Variants in RFC3 observed in about 807,000 individuals in gnomAD.
RFC3 encodes A1 38 kDa subunit.
In RFC3, 41 loss-of-function variants were observed where a neutral mutation model predicts 45.1. The observed-to-expected ratio is 0.91, with a 90% CI of 0.71 to 1.18. The LOEUF is 1.18. RFC3 is among the 50% of genes most tolerant of loss of function. The pLI is 0.00. For synonymous variants in RFC3, 149 were observed against 144.0 expected (o/e 1.03, Z -0.25); for missense variants, 423 against 428.1 (o/e 0.99, Z 0.10).
intron 8 of RFC3, among the ~76,000 whole-genome samples, chr13:33,924,221 C>T (rs892305225): frequency 1.3e-5 from 2 of 150,762 alleles, no homozygotes; most frequent in African/African-American, 4.9e-5. Flanking sequence ...CATATTAGTT[C>T]ACTTATTCTT....
At chr13:33,968,825 T>C (rs1172612987), downstream of RFC3, among the ~76,000 whole-genome samples, 1 of 152,182 alleles carries the variant, frequency 6.6e-6, no homozygotes, top group Non-Finnish European at 1.5e-5. Context: ...TCTTGGAAGT[T>C]CTGGTTATTA....
intron 8 of RFC3, among the ~76,000 whole-genome samples, chr13:33,852,765 C>G (rs1311805463): frequency 1.3e-5 from 2 of 152,176 alleles, no homozygotes; most frequent in Non-Finnish European, 2.9e-5. Flanking sequence ...CTTTGAACTT[C>G]TGTAGCCTGG....
At chr13:33,958,303 A>G (rs752354223) in intron 8 of RFC3, among the ~76,000 whole-genome samples, 1 of 152,236 alleles carries the variant, frequency 6.6e-6, no homozygotes, top group Non-Finnish European at 1.5e-5. Flanking sequence ...GTGTAATGGC[A>G]GGGTCCCGTC....
At chr13:33,880,679 C>T (rs1032872726) in intron 8 of RFC3, among the ~76,000 whole-genome samples, 1 of 152,076 alleles carries the variant, frequency 6.6e-6, no homozygotes, top group Non-Finnish European at 1.5e-5. Flanking sequence ...AGAATCGAGA[C>T]CATGGTAGAT....
chr13:33,889,575 C>G lies in RFC3; in HGVS notation c.879+54358C>G, dbSNP rs377555579. 1.6e-4 allele frequency among the ~76,000 whole-genome samples: 25 copies of G among 152,232 alleles called. 1 individual carries two copies. The highest frequency in any genetic ancestry group is 6.0e-4 in the African/African-American group (25 of 41,538). On this transcript the variant is annotated intron_variant, in intron 8 of 8. Transcript: ENST00000434425. ...CTTTGTGCTAATGACTTTCAAAATC[C>G]TCTTTTCTAGCTATCTTGAAATATG...
intron 8 of RFC3, among the ~76,000 whole-genome samples, chr13:33,876,930 A>AT (rs1272666048): frequency 2.0e-5 from 3 of 152,226 alleles, no homozygotes; most frequent in Non-Finnish European, 4.4e-5. Flanking sequence ...TTCGCAAAAA[A>AT]GCCTGGTGTC....
intron 8 of RFC3, among the ~76,000 whole-genome samples, chr13:33,911,782 A>G (rs1459934145): frequency 6.6e-6 from 1 of 152,034 alleles, no homozygotes; most frequent in Admixed American, 6.6e-5. Flanking sequence ...GAACAACACT[A>G]AGCCATTCAT....
intron 8 of RFC3, among the ~76,000 whole-genome samples, chr13:33,904,828 A>C (rs111836847): frequency 1.3e-5 from 2 of 152,046 alleles, no homozygotes; most frequent in East Asian, 3.9e-4. Context: ...CACATTCCCC[A>C]TGGCCAAATA....
chr13:33,838,041 T>C (rs1378090270), downstream of RFC3, among the ~76,000 whole-genome samples: 1 of 152,096 alleles, frequency 6.6e-6, no homozygotes, highest in African/African-American at 2.4e-5. Flanking sequence ...TCTTTCTTAG[T>C]TTTTAGTCTT....
intron 7 of RFC3, among the ~76,000 whole-genome samples, chr13:33,833,237 A>T (rs1301023150): frequency 1.3e-5 from 2 of 152,130 alleles, no homozygotes; most frequent in Non-Finnish European, 2.9e-5. Flanking sequence ...TTTTCATTTG[A>T]TCTGTCTTAG....
In RFC3 at chr13:33,903,018, G is replaced by A. The variant is rs780372074; in HGVS notation, c.880-63069G>A. Among the ~76,000 whole-genome samples, 3 of 151,986 alleles carry A rather than the reference G, an allele frequency of 2.0e-5. No individual in the cohort carries two copies. In the Middle Eastern group the frequency reaches 0.01, roughly 521 times the overall value. The stretch of plus-strand genomic sequence containing the variant: ...ATCCTGGGCCGCATGTGGCCTGTGC[G>A]CCACCAGTTGGACAAGCTTGCAACC... On this transcript the variant is annotated intron_variant, in intron 8 of 8. Transcript: ENST00000434425.
At chr13:33,919,786 G>A (rs980135613) in intron 8 of RFC3, among the ~76,000 whole-genome samples, 3 of 152,064 alleles carry the variant, frequency 2.0e-5, no homozygotes, top group East Asian at 1.9e-4. Flanking sequence ...ATTTCAGGGG[G>A]AAAAGAGATA....
Position 33,821,204 on chromosome 13 carries a change from T to A in RFC3, c.160T>A (p.Cys54Ser). ...SGAGKKTRIM[C>S]ILRELYGVGV... The stretch of plus-strand genomic sequence containing the variant: ...TGCTGGAAAAAAGACAAGAATTATG[T>A]GTATTCTACGTGAACTTTATGGTGT... The change falls in exon 2 of 9, where the codon TGT becomes AGT. Residue 54 changes from cysteine (C) to serine (S), a missense_variant. Cys to Ser is a moderately radical substitution (Grantham distance 112). Coordinates refer to ENST00000380071, the MANE Select transcript of RFC3 (RefSeq NM_002915.4). 7 of 1,613,682 alleles carry A rather than the reference T, an allele frequency of 4.3e-6. No individual in the cohort carries two copies. The highest frequency in any genetic ancestry group is 5.9e-6 in the Non-Finnish European group (7 of 1,179,606).
In RFC3 at chr13:33,855,306, A is replaced by AT. The variant is rs536094492; in HGVS notation, c.879+20097dup. On this transcript the variant is annotated intron_variant, in intron 8 of 8. Coordinates refer to the RFC3 transcript ENST00000434425. ...GCAAGCACACAGGAAACATAGATGG[A>AT]TTTTTTTTCCCACAAAAATGGAAAT... Among the ~76,000 whole-genome samples, 16 of 151,900 alleles carry AT rather than the reference A, an allele frequency of 1.1e-4. 1 individual carries two copies. Among genetic ancestry groups the AT allele is most frequent in the Admixed American group, 3.3e-4 (5 of 15,228 alleles).
chr13:33,872,794 C>CCA (rs760083100), intron 8 of RFC3, among the ~76,000 whole-genome samples: 2 of 125,718 alleles, frequency 1.6e-5, no homozygotes, highest in African/African-American at 3.0e-5. Flanking sequence ...GAAACCAAAC[C>CCA]CCCCCCCCCA....
At chr13:33,926,680 G>A (rs958750184) in intron 8 of RFC3, among the ~76,000 whole-genome samples, 6 of 151,360 alleles carry the variant, frequency 4.0e-5, no homozygotes, top group Non-Finnish European at 7.4e-5. Flanking sequence ...TTAATTTTGT[G>A]GTACTCTATA....
In RFC3 at chr13:33,935,135, AT is replaced by A. The variant is rs1013488191; in HGVS notation, c.880-30942del. The stretch of plus-strand genomic sequence containing the variant: ...ATAATATATTATTTTCTGCCTTGAG[AT>A]TTTTTTTTTCAAATGTCAAGGGGGC... On this transcript the variant is annotated intron_variant, in intron 8 of 8. Transcript: ENST00000434425. Among the ~76,000 whole-genome samples the A allele has an allele frequency of 2.0e-5, 3 of 150,658 alleles. No individual in the cohort carries two copies. The East Asian group carries it at 5.8e-4, about 29-fold the overall frequency.
chr13:33,940,796 C>T (rs1486942140), intron 8 of RFC3, among the ~76,000 whole-genome samples: 2 of 152,166 alleles, frequency 1.3e-5, no homozygotes, highest in Admixed American at 1.3e-4. Context: ...ATAGTTTAAC[C>T]CCATTCATCT....
Position 33,893,803 on chromosome 13 carries a change from A to G in RFC3, c.879+58586A>G, listed in dbSNP as rs572538450. Among the ~76,000 whole-genome samples the G allele has an allele frequency of 1.2e-4, 18 of 152,214 alleles. No individual in the cohort carries two copies. In the South Asian group the frequency reaches 3.3e-3, roughly 28 times the overall value. ...CAGAAGAAAGAATCAGTCACCTCAA[A>G]GACAGATTATTTGAAAATATGGTTA... is the stretch of plus-strand genomic sequence containing the variant. On this transcript the variant is annotated intron_variant, in intron 8 of 8. Coordinates refer to the RFC3 transcript ENST00000434425.
Sources: allele counts gnomAD v4.1 joint callset (sites outside exome capture counted in the v4.1 genomes callset), GRCh38; gene constraint gnomAD v4.1.1; transcripts MANE v1.5; gene names NCBI Gene and HGNC (gene_info 2026-07-23, HGNC 2026-07-21).